Variants in SYNE1 observed in about 807,000 individuals in gnomAD.
The protein encoded by SYNE1 is spectrin repeat containing nuclear envelope protein 1.
SYNE1 carries 616 observed loss-of-function variants against 1,111.0 expected under a neutral mutation model. The ratio of observed to expected loss-of-function variants is 0.55; its 90% CI spans 0.52 to 0.59. The LOEUF is 0.59. SYNE1 is among the 20% of genes least tolerant of loss of function. The pLI is 0.00. For synonymous variants in SYNE1, 3,855 were observed against 3,825.8 expected, an observed-to-expected ratio of 1.01 and a Z score of -0.28; for missense variants, 10,006 against 10,417.0, an observed-to-expected ratio of 0.96 and a Z score of 1.72.
At chr6:152,417,617 A>G (rs2098182636) in intron 40 of SYNE1, among the ~76,000 whole-genome samples, 1 of 152,234 alleles carries the variant, frequency 6.6e-6, no homozygotes, top group African/African-American at 2.4e-5. Context: ...AAACATTGGA[A>G]GATTCTTAAA....
intron 32 of SYNE1, 116 bp from the exon 33 acceptor site, chr6:152,436,217 C>T: frequency 1.9e-6 from 2 of 1,055,442 alleles, no homozygotes; most frequent in Non-Finnish European, 2.7e-6. Context: ...TAGAGTCATA[C>T]ATGTATGGAT....
At chr6:152,242,486 C>A (rs975335901) in intron 106 of SYNE1, 46 bp from the exon 107 acceptor site, 2 of 1,606,018 alleles carry the variant, frequency 1.2e-6, no homozygotes, top group Admixed American at 1.7e-5. Flanking sequence ...CATATTCTGG[C>A]AACCCTCTAA....
At chr6:152,350,894 A>G in intron 70 of SYNE1, 124 bp from the exon 71 acceptor site, 1 of 1,196,376 alleles carries the variant, frequency 8.4e-7, no homozygotes, top group South Asian at 1.3e-5. Flanking sequence ...TTTATGAAGC[A>G]ATAGGTGCAA....
At chr6:152,403,796 G>A (rs1279266895) in intron 46 of SYNE1, among the ~76,000 whole-genome samples, 1 of 152,048 alleles carries the variant, frequency 6.6e-6, no homozygotes, top group Non-Finnish European at 1.5e-5. Flanking sequence ...ACATGAAATG[G>A]TCCATGAGGC....
chr6:152,348,136 C>T (rs991798343), intron 72 of SYNE1, among the ~76,000 whole-genome samples: 23 of 151,948 alleles, frequency 1.5e-4, no homozygotes, highest in Non-Finnish European at 3.4e-4. Context: ...ATGAAAATAG[C>T]ATTTAAACTT....
At chr6:152,257,100 A>C (rs1216344057) in intron 101 of SYNE1, among the ~76,000 whole-genome samples, 6 of 152,200 alleles carry the variant, frequency 3.9e-5, no homozygotes, top group African/African-American at 1.4e-4. Context: ...GAGGATTCTG[A>C]ATGTCTCTAC....
chr6:152,212,881 A>C (rs1253128746), intron 123 of SYNE1, among the ~76,000 whole-genome samples: 2 of 152,164 alleles, frequency 1.3e-5, no homozygotes, highest in African/African-American at 4.8e-5. Flanking sequence ...CTGTCAATTC[A>C]ACAAAACTGG....
At chr6:152,583,338 C>T (rs1036221917) in intron 3 of SYNE1, among the ~76,000 whole-genome samples, 2 of 152,064 alleles carry the variant, frequency 1.3e-5, no homozygotes, top group Admixed American at 6.6e-5. Flanking sequence ...CCCATATCTG[C>T]CTCCCTGGGA....
chr6:152,233,917 A>G lies in SYNE1; in HGVS notation c.20576T>C (p.Val6859Ala). 1 of 1,614,212 alleles carries G rather than the reference A, an allele frequency of 6.2e-7. No homozygotes were observed. The highest frequency in any genetic ancestry group is 8.5e-7 in the Non-Finnish European group (1 of 1,180,036). ...AAGGAGCTGATTTCCAGTACTCAGA[A>G]CAGATGATTTCAGGGAAGATTGGGC... ...VDAQSSLKSS[V>A]LSTGNQLLRL... is the part of the protein sequence containing the mutation. Residue 6859 changes from valine (V) to alanine (A), a missense_variant, in exon 112 of 146, where the codon GTT becomes GCT. Physicochemically the swap from Val to Ala is moderately conservative, Grantham distance 64. Transcript: ENST00000367255.
At chr6:152,371,762 G>T in intron 59 of SYNE1, among the ~76,000 whole-genome samples, 1 of 117,762 alleles carries the variant, frequency 8.5e-6, no homozygotes, top group East Asian at 2.5e-4. Context: ...GAAGGGAAGG[G>T]GGAAGGGAGG....
chr6:152,453,427 A>T, intron 25 of SYNE1, 159 bp downstream of exon 25: 1 of 914,042 alleles, frequency 1.1e-6, no homozygotes, highest in Non-Finnish European at 1.8e-6. Flanking sequence ...ATATATTATC[A>T]GGTTTTATTT....
At chr6:152,487,437 T>C (rs2098946892) in intron 12 of SYNE1, among the ~76,000 whole-genome samples, 1 of 152,232 alleles carries the variant, frequency 6.6e-6, no homozygotes. Flanking sequence ...ATTTTATTTC[T>C]CCAGTCTACA....
Position 152,387,067 on chromosome 6 carries a change from CTA to C in SYNE1, c.8487+3_8487+4del. On this transcript the variant is annotated splice_donor_region_variant and intron_variant, in intron 54 of 145. Transcript: ENST00000367255. ...AAGCATCTACTTTCAATATAAAGCA[CTA>C]ACCTTGGCAACAGTCATTATATCAT... 6.2e-7 allele frequency: 1 copy of C among 1,611,154 alleles called. No homozygotes were observed. Among genetic ancestry groups the C allele is most frequent in the Non-Finnish European group, 8.5e-7 (1 of 1,178,074 alleles).
At chr6:152,543,493 G>A (rs901447011) in intron 3 of SYNE1, among the ~76,000 whole-genome samples, 2 of 152,148 alleles carry the variant, frequency 1.3e-5, no homozygotes, top group African/African-American at 4.8e-5. Context: ...TTCAATTTGT[G>A]GAAGTAACAG....
chr6:152,484,510 G>T (rs1041651013), intron 13 of SYNE1, among the ~76,000 whole-genome samples: 2 of 152,202 alleles, frequency 1.3e-5, no homozygotes, highest in African/African-American at 4.8e-5. Flanking sequence ...AGACCAGAGA[G>T]TCACCTCTTC....
chr6:152,498,287 C>G (rs377151275), intron 11 of SYNE1, among the ~76,000 whole-genome samples: 2 of 152,094 alleles, frequency 1.3e-5, no homozygotes, highest in Non-Finnish European at 2.9e-5. Flanking sequence ...ACCATGAGAC[C>G]GAATACTGAG....
chr6:152,430,575 G>A lies in SYNE1; in HGVS notation c.4596C>T (p.Tyr1532=), dbSNP rs138264334. 582 of 1,614,010 alleles carry A rather than the reference G, an allele frequency of 3.6e-4. 1 individual carries two copies. The African/African-American group carries it at 6.3e-3, about 18-fold the overall frequency. ...IKAKLTQIRR[Y]GEELREHAQC... ...GTGCATGCTCTCGAAGCTCTTCCCC[G>A]TATCTTCTTATTTGTGTCAACTTGG... The change falls in exon 35 of 146, where the codon TAC becomes TAT. Residue 1532 remains tyrosine, a synonymous_variant. Transcript: ENST00000367255.
chr6:152,170,732 C>T (rs2064983881), intron 130 of SYNE1, among the ~76,000 whole-genome samples: 5 of 152,172 alleles, frequency 3.3e-5, no homozygotes, highest in Admixed American at 3.3e-4. Flanking sequence ...GTTTTACCTC[C>T]ACAGCCTTTG....
intron 130 of SYNE1, among the ~76,000 whole-genome samples, chr6:152,171,617 C>T (rs1316524481): frequency 6.6e-6 from 1 of 152,102 alleles, no homozygotes; most frequent in African/African-American, 2.4e-5. Flanking sequence ...CTGGCCAGGC[C>T]AGGGGCAGGC....
Sources: allele counts gnomAD v4.1 joint callset (sites outside exome capture counted in the v4.1 genomes callset), GRCh38; gene constraint gnomAD v4.1.1; transcripts MANE v1.5; gene names NCBI Gene and HGNC (gene_info 2026-07-23, HGNC 2026-07-21).